Variants in PARD3B observed in about 807,000 individuals in gnomAD.
PARD3B encodes par-3 family cell polarity regulator beta.
PARD3B carries 103 observed loss-of-function variants against 130.2 expected under a neutral mutation model. The observed-to-expected ratio is 0.79, with a 90% CI of 0.67 to 0.93. The LOEUF (loss-of-function observed/expected upper bound fraction) is 0.93, where lower values mean the gene tolerates loss of function less well. PARD3B is among the 40% of genes least tolerant of loss of function. The pLI is 0.00. For synonymous variants in PARD3B, 583 were observed against 553.2 expected (o/e 1.05, Z -0.76); for missense variants, 1,609 against 1,499.2 (o/e 1.07, Z -1.21).
At chr2:205,051,817 GTATTTGT>G (rs1484475293) in intron 4 of PARD3B, among the ~76,000 whole-genome samples, 1 of 152,122 alleles carries the variant, frequency 6.6e-6, no homozygotes, top group Non-Finnish European at 1.5e-5. Context: ...ACTAAATCTG[GTATTTGT>G]TATTTAACAC....
intron 2 of PARD3B, among the ~76,000 whole-genome samples, chr2:204,801,854 G>A (rs952420782): frequency 6.6e-6 from 1 of 152,056 alleles, no homozygotes; most frequent in South Asian, 2.1e-4. Flanking sequence ...GTCATAAATA[G>A]CTCTTATTAT....
intron 15 of PARD3B, among the ~76,000 whole-genome samples, chr2:205,235,552 T>C (rs557113855): frequency 6.6e-6 from 1 of 152,262 alleles, no homozygotes; most frequent in African/African-American, 2.4e-5. Context: ...TAGAGGATAG[T>C]ACTATACACC....
chr2:205,294,548 T>C (rs1218413856), intron 16 of PARD3B, among the ~76,000 whole-genome samples: 2 of 152,194 alleles, frequency 1.3e-5, no homozygotes, highest in African/African-American at 4.8e-5. Context: ...TGAAGGGCCA[T>C]GCTCATACTC....
chr2:204,589,988 C>T (rs929377190), intron 1 of PARD3B, among the ~76,000 whole-genome samples: 13 of 152,136 alleles, frequency 8.5e-5, no homozygotes, highest in Admixed American at 5.2e-4. Context: ...ATCCCTTCCT[C>T]CCTTGATATT....
chr2:205,076,014 C>T (rs1216886510), intron 4 of PARD3B, among the ~76,000 whole-genome samples: 3 of 152,030 alleles, frequency 2.0e-5, no homozygotes, highest in Non-Finnish European at 4.4e-5. Flanking sequence ...TAACAGTGAA[C>T]ATCATAGTAA....
At chr2:204,590,311 T>G (rs1434476354) in intron 1 of PARD3B, among the ~76,000 whole-genome samples, 2 of 152,196 alleles carry the variant, frequency 1.3e-5, no homozygotes. Context: ...CCCAACGCCC[T>G]GCCTCCTAAT....
intron 1 of PARD3B, among the ~76,000 whole-genome samples, chr2:204,562,865 T>C (rs1057120491): frequency 6.6e-6 from 1 of 152,068 alleles, no homozygotes; most frequent in African/African-American, 2.4e-5. Context: ...TAGATTTGCA[T>C]TTCCGATTTT....
intron 20 of PARD3B, among the ~76,000 whole-genome samples, chr2:205,483,239 CATT>C (rs2049312209): frequency 6.6e-6 from 1 of 152,162 alleles, no homozygotes; most frequent in African/African-American, 2.4e-5. Flanking sequence ...TTCTAATAAA[CATT>C]GATGGTGTTG....
At chr2:205,557,948 G>C (rs1485550026) in intron 22 of PARD3B, among the ~76,000 whole-genome samples, 1 of 152,110 alleles carries the variant, frequency 6.6e-6, no homozygotes, top group South Asian at 2.1e-4. Flanking sequence ...AGTTTGCCAG[G>C]ATCCCCCACT....
intron 2 of PARD3B, among the ~76,000 whole-genome samples, chr2:204,706,418 G>C (rs2038162418): frequency 6.6e-6 from 1 of 151,794 alleles, no homozygotes; most frequent in Non-Finnish European, 1.5e-5. Flanking sequence ...AATCCATCCA[G>C]ATTTGAGAAG....
In PARD3B at chr2:205,258,094, A is replaced by G. The variant is rs2040164511; in HGVS notation, c.2185+12272A>G. ...GTCCCCCAGCAGGCCATTTCATTGG[A>G]GAGAGAAACATAACAGATGCAATGG... On this transcript the variant is annotated intron_variant, in intron 16 of 22. Coordinates refer to ENST00000406610, the MANE Select transcript of PARD3B (RefSeq NM_001302769.2). The surrounding 1 kb of genome is among the most constrained non-coding windows in gnomAD (Gnocchi z 4.9). 6.6e-6 allele frequency among the ~76,000 whole-genome samples: 1 copy of G among 152,156 alleles called. No individual in the cohort carries two copies. The highest frequency in any genetic ancestry group is 2.4e-5 in the African/African-American group (1 of 41,410).
intron 2 of PARD3B, among the ~76,000 whole-genome samples, chr2:204,759,870 C>T (rs997673268): frequency 5.9e-5 from 9 of 152,030 alleles, no homozygotes; most frequent in Non-Finnish European, 1.3e-4. Flanking sequence ...TATCTCTTGT[C>T]TGGTCTAATG....
rs888213389 is a variant in PARD3B, at chr2:205,253,998, A to G, written c.2185+8176A>G. ...GAAGGATAGTTGGACTCAAGAAGGCAAGGTAGAAGAGTCTAGGATAGAGGG... is the reference window on the plus strand; with the variant it reads ...GAAGGATAGTTGGACTCAAGAAGGCGAGGTAGAAGAGTCTAGGATAGAGGG... On this transcript the variant is annotated intron_variant, in intron 16 of 22. Transcript: ENST00000406610. This position sits in a 1 kb window ranked among gnomAD's most constrained non-coding sequence, Gnocchi z 4.4. Among the ~76,000 whole-genome samples, 30 of 151,624 alleles carry G rather than the reference A, an allele frequency of 2.0e-4. No individual in the cohort carries two copies. Among genetic ancestry groups the G allele is most frequent in the African/African-American group, 6.5e-4 (27 of 41,232 alleles).
intron 2 of PARD3B, among the ~76,000 whole-genome samples, chr2:204,736,528 G>A (rs557978070): frequency 6.6e-6 from 1 of 152,142 alleles, no homozygotes; most frequent in South Asian, 2.1e-4. Flanking sequence ...ACAGTTTTTG[G>A]TTTTAGGTTT....
intron 1 of PARD3B, among the ~76,000 whole-genome samples, chr2:204,652,277 C>G (rs1032823097): frequency 6.6e-6 from 1 of 152,128 alleles, no homozygotes; most frequent in Non-Finnish European, 1.5e-5. Context: ...CAGGCCATCT[C>G]TTTGTGAATG....
intron 1 of PARD3B, among the ~76,000 whole-genome samples, chr2:204,651,879 T>C (rs2035491001): frequency 6.6e-6 from 1 of 152,218 alleles, no homozygotes; most frequent in African/African-American, 2.4e-5. Context: ...TGTTAAGGCT[T>C]GGGGCTTGCA....
chr2:205,137,136 G>A (rs1419813959), intron 10 of PARD3B, among the ~76,000 whole-genome samples: 1 of 151,990 alleles, frequency 6.6e-6, no homozygotes, highest in African/African-American at 2.4e-5. Flanking sequence ...TCAGGAAGAG[G>A]TTAAGGGGCT....
chr2:205,100,414 T>C (rs918735051), intron 4 of PARD3B, among the ~76,000 whole-genome samples: 1 of 152,092 alleles, frequency 6.6e-6, no homozygotes, highest in Admixed American at 6.5e-5. Flanking sequence ...CTCTCCAAAT[T>C]GATCTATGTA....
At chr2:205,242,964 C>T (rs1441907726) in intron 15 of PARD3B, among the ~76,000 whole-genome samples, 8 of 151,996 alleles carry the variant, frequency 5.3e-5, no homozygotes, top group Non-Finnish European at 7.4e-5. Context: ...GTCAGGAGTT[C>T]GAGACCAGCC....
Sources: allele counts gnomAD v4.1 joint callset (sites outside exome capture counted in the v4.1 genomes callset), GRCh38; gene constraint gnomAD v4.1.1; non-coding constraint Gnocchi (gnomAD v3.1); transcripts MANE v1.5; gene names NCBI Gene and HGNC (gene_info 2026-07-23, HGNC 2026-07-21).